Variants in GRIK1 observed in about 807,000 individuals in gnomAD.
The protein encoded by GRIK1 is glutamate ionotropic receptor kainate type subunit 1.
In GRIK1, 69 loss-of-function variants were observed where a neutral mutation model predicts 105.7. The observed-to-expected ratio is 0.65, with a 90% CI of 0.54 to 0.80. The LOEUF is 0.80. Ranked by LOEUF, GRIK1 falls within the 30% of genes least tolerant of loss-of-function variation. The probability of loss-of-function intolerance (pLI) is 0.00; values close to 1 mark genes in which losing one functional copy is unlikely to be tolerated. For missense variants in GRIK1, 1,109 were observed against 1,167.3 expected (o/e 0.95, Z 0.73); for synonymous variants, 438 against 431.3 (o/e 1.02, Z -0.19).
chr21:29,904,325 A>G (rs558188184), intron 1 of GRIK1, among the ~76,000 whole-genome samples: 13 of 151,672 alleles, frequency 8.6e-5, no homozygotes, highest in East Asian at 1.9e-4. Flanking sequence ...TTTGGGAAAA[A>G]AAAGGACTCA....
intron 14 of GRIK1, among the ~76,000 whole-genome samples, chr21:29,576,138 A>G (rs970310009): frequency 6.6e-6 from 1 of 152,038 alleles, no homozygotes; most frequent in African/African-American, 2.4e-5. Flanking sequence ...TTCTTTTCAT[A>G]AGTAGAGTGA....
chr21:29,722,450 G>C (rs1045373331), intron 1 of GRIK1, among the ~76,000 whole-genome samples: 3 of 152,012 alleles, frequency 2.0e-5, no homozygotes, highest in African/African-American at 7.2e-5. Context: ...CAGCTACTCA[G>C]GTGGGTGAGG....
At chr21:29,632,674 T>TA (rs35191549) in intron 7 of GRIK1, among the ~76,000 whole-genome samples, 152,332 of 152,334 alleles carry the variant, frequency 1, 76,165 homozygotes, top group Non-Finnish European at 1. Flanking sequence ...ACAGACTGTA[T>TA]AAAAGCAAAT....
intron 6 of GRIK1, among the ~76,000 whole-genome samples, chr21:29,643,661 T>C (rs922192808): frequency 6.6e-6 from 1 of 152,244 alleles, no homozygotes; most frequent in Admixed American, 6.5e-5. Flanking sequence ...CCCTTCCTCA[T>C]GAAATTCCTC....
chr21:29,603,746 A>G (rs1568874109), intron 7 of GRIK1, among the ~76,000 whole-genome samples: 1 of 152,184 alleles, frequency 6.6e-6, no homozygotes, highest in Non-Finnish European at 1.5e-5. Context: ...TCTGTCTGAG[A>G]GCTGAGAACA....
At chr21:29,866,486 C>A (rs1202938199) in intron 1 of GRIK1, among the ~76,000 whole-genome samples, 1 of 152,078 alleles carries the variant, frequency 6.6e-6, no homozygotes, top group Non-Finnish European at 1.5e-5. Flanking sequence ...TTCTACTTTT[C>A]AATTTAGCCC....
intron 6 of GRIK1, among the ~76,000 whole-genome samples, chr21:29,649,020 T>C (rs1184942372): frequency 6.6e-6 from 1 of 152,076 alleles, no homozygotes; most frequent in Non-Finnish European, 1.5e-5. Flanking sequence ...GGGTTTGGGG[T>C]CATAAGTTTG....
intron 1 of GRIK1, among the ~76,000 whole-genome samples, chr21:29,729,293 C>T (rs1276936095): frequency 6.6e-6 from 1 of 152,060 alleles, no homozygotes; most frequent in Non-Finnish European, 1.5e-5. Context: ...CCGGAAGAAG[C>T]CCTAGTCAGC....
At chr21:29,568,045 C>T (rs765302424) in intron 14 of GRIK1, among the ~76,000 whole-genome samples, 4 of 152,110 alleles carry the variant, frequency 2.6e-5, no homozygotes, top group Non-Finnish European at 4.4e-5. Context: ...ATTCCCTCAG[C>T]GGGATTTAAA....
intron 1 of GRIK1, among the ~76,000 whole-genome samples, chr21:29,803,712 C>T (rs1291435447): frequency 6.6e-6 from 1 of 152,110 alleles, no homozygotes; most frequent in East Asian, 1.9e-4. Flanking sequence ...GGCTTACTGA[C>T]TCACAAAATT....
intron 7 of GRIK1, among the ~76,000 whole-genome samples, chr21:29,637,715 A>T (rs909302761): frequency 2.0e-5 from 3 of 152,190 alleles, no homozygotes; most frequent in Non-Finnish European, 2.9e-5. Flanking sequence ...CTGCAGAACT[A>T]TGACTAGTAA....
At chr21:29,641,039 T>G (rs1271468292) in intron 7 of GRIK1, among the ~76,000 whole-genome samples, 1 of 152,250 alleles carries the variant, frequency 6.6e-6, no homozygotes, top group Non-Finnish European at 1.5e-5. Flanking sequence ...GTATTTCAGA[T>G]GCTTACTAGG....
At chr21:29,744,705 G>A (rs557577806) in intron 1 of GRIK1, among the ~76,000 whole-genome samples, 85 of 151,914 alleles carry the variant, frequency 5.6e-4, no homozygotes, top group South Asian at 1.0e-3. Flanking sequence ...CTTGTTATCT[G>A]TTCTTTCCAT....
At chr21:29,636,286 G>C (rs939800472) in intron 7 of GRIK1, among the ~76,000 whole-genome samples, 1 of 152,168 alleles carries the variant, frequency 6.6e-6, no homozygotes, top group Non-Finnish European at 1.5e-5. Context: ...AGTTGAGGCT[G>C]TGCTTTAACA....
intron 1 of GRIK1, among the ~76,000 whole-genome samples, chr21:29,772,913 T>C (rs1223896350): frequency 1.3e-5 from 2 of 152,230 alleles, no homozygotes; most frequent in African/African-American, 4.8e-5. Context: ...TGTGTCAATG[T>C]TAATGTCCTC....
chr21:29,739,588 G>C (rs958931667), intron 1 of GRIK1, among the ~76,000 whole-genome samples: 1 of 152,158 alleles, frequency 6.6e-6, no homozygotes. Flanking sequence ...AAGGAACATC[G>C]TGCATTCATT....
intron 4 of GRIK1, among the ~76,000 whole-genome samples, chr21:29,667,058 T>A (rs2268206): frequency 0.14 from 21,086 of 152,232 alleles, 2,175 homozygotes; most frequent in African/African-American, 0.29. Flanking sequence ...ACGTGTTCAG[T>A]ATAAAATGGC....
chr21:29,846,429 TAAA>T (rs2068115630), intron 1 of GRIK1, among the ~76,000 whole-genome samples: 1 of 58,316 alleles, frequency 1.7e-5, no homozygotes, highest in Non-Finnish European at 3.6e-5. Flanking sequence ...AAGAAAAAAA[TAAA>T]GAAGGAAAGA....
At chr21:29,573,854 A>G (rs1055921050) in intron 14 of GRIK1, among the ~76,000 whole-genome samples, 16 of 98,116 alleles carry the variant, frequency 1.6e-4, no homozygotes, top group East Asian at 2.7e-4. Flanking sequence ...CTCCGTCTGG[A>G]AAAAAAAAAA....
Sources: gnomAD v4.1 joint callset for allele counts (sites outside exome capture counted in the v4.1 genomes callset) on GRCh38, gnomAD v4.1.1 for gene constraint, MANE v1.5 for transcripts, NCBI Gene and HGNC (gene_info 2026-07-23, HGNC 2026-07-21) for gene names.